SLIT2: variants seen among roughly 807,000 people sequenced by gnomAD.
SLIT2 encodes slit homolog 2 protein.
In SLIT2, 41 loss-of-function variants were observed where a neutral mutation model predicts 185.7. That is an observed-to-expected ratio of 0.22 (90% CI 0.17 to 0.29). SLIT2 has a LOEUF of 0.29. SLIT2 is among the 10% of genes least tolerant of loss of function. The pLI is 1.00. For synonymous variants in SLIT2, 693 were observed against 680.2 expected, an observed-to-expected ratio of 1.02 and a Z score of -0.29; for missense variants, 1,571 against 1,909.0, an observed-to-expected ratio of 0.82 and a Z score of 3.30.
At chr4:20,593,246 C>T (rs1021740372) in intron 30 of SLIT2, among the ~76,000 whole-genome samples, 9 of 151,972 alleles carry the variant, frequency 5.9e-5, no homozygotes, top group South Asian at 4.2e-4. Context: ...CAGATGGATG[C>T]GTTTAATCTT....
rs1378810372 is a variant in SLIT2, at chr4:20,510,536, C to G, written c.956C>G (p.Ala319Gly). 3.7e-6 allele frequency: 6 copies of G among 1,610,128 alleles called. No individual in the cohort carries two copies. Among genetic ancestry groups the G allele is most frequent in the Non-Finnish European group, 4.2e-6 (5 of 1,177,018 alleles). ...ACAATCAAAGTCATCCCTCCTGGAG[C>G]TTTCTCACCATATAAAAAGCTTAGA... Reference protein sequence around the residue: ...QNTIKVIPPGAFSPYKKLRRI... With the variant: ...QNTIKVIPPGGFSPYKKLRRI... Residue 319 changes from alanine (A) to glycine (G), a missense_variant, in exon 10 of 37, where the codon GCT becomes GGT. Ala to Gly is a moderately conservative substitution (Grantham distance 60). Around this residue, in one of 3 missense-constraint regions of SLIT2, gnomAD observed 1,202 missense variants for 1,416.4 expected, o/e 0.85. Coordinates refer to ENST00000504154, the MANE Select transcript of SLIT2 (RefSeq NM_004787.4).
chr4:20,291,488 ATATATTTTTTTTTTTTTTTTTTTTTTT>A (rs1715913282), intron 4 of SLIT2, among the ~76,000 whole-genome samples: 1 of 10,272 alleles, frequency 9.7e-5, no homozygotes, highest in Non-Finnish European at 1.6e-4. Context: ...ATATATATAT[ATATATTTTTTTTTTTTTTTTTTTTTTT>A]TTTTTTTTAC....
chr4:20,426,541 G>C (rs1167083755), intron 4 of SLIT2, among the ~76,000 whole-genome samples: 1 of 152,262 alleles, frequency 6.6e-6, no homozygotes, highest in African/African-American at 2.4e-5. Context: ...AGGATCTAGA[G>C]GTTGACAGGT....
chr4:20,406,071 A>T (rs1338307615), intron 4 of SLIT2, among the ~76,000 whole-genome samples: 1 of 143,272 alleles, frequency 7.0e-6, no homozygotes, highest in Non-Finnish European at 1.6e-5. Flanking sequence ...GGAAATTATT[A>T]TCTTCTCAAT....
chr4:20,305,853 A>G (rs1717489609), intron 4 of SLIT2, among the ~76,000 whole-genome samples: 1 of 148,436 alleles, frequency 6.7e-6, no homozygotes, highest in Admixed American at 6.8e-5. Flanking sequence ...GGCCTGGGTG[A>G]CAGAGTGAGA....
chr4:20,503,163 C>T (rs1355069210), intron 9 of SLIT2, among the ~76,000 whole-genome samples: 1 of 152,044 alleles, frequency 6.6e-6, no homozygotes, highest in Non-Finnish European at 1.5e-5. Flanking sequence ...GATTAATCAG[C>T]TAGAATGACA....
At chr4:20,615,377 C>G (rs1030985854) in intron 34 of SLIT2, 1 of 152,140 alleles carries the variant, frequency 6.6e-6, no homozygotes, top group Non-Finnish European at 1.5e-5. Flanking sequence ...ATGGACTACC[C>G]AAATCACCTG....
At chr4:20,457,427 A>G (rs1418314003) in intron 4 of SLIT2, among the ~76,000 whole-genome samples, 1 of 152,030 alleles carries the variant, frequency 6.6e-6, no homozygotes, top group African/African-American at 2.4e-5. Context: ...ATTAAAAGAC[A>G]TCATGTGAAT....
intron 30 of SLIT2, among the ~76,000 whole-genome samples, chr4:20,594,131 A>T (rs778704967): frequency 4.7e-5 from 7 of 149,448 alleles, no homozygotes; most frequent in Non-Finnish European, 8.9e-5. Flanking sequence ...ATGTGCATAT[A>T]TATACATATA....
intron 4 of SLIT2, among the ~76,000 whole-genome samples, chr4:20,279,971 A>G (rs1289824521): frequency 6.6e-6 from 1 of 152,156 alleles, no homozygotes; most frequent in Admixed American, 6.5e-5. Context: ...CCTGAGAAAG[A>G]CACTACCAAT....
chr4:20,465,078 CAATT>C (rs1357219200), intron 4 of SLIT2, among the ~76,000 whole-genome samples: 1 of 152,060 alleles, frequency 6.6e-6, no homozygotes, highest in Non-Finnish European at 1.5e-5. Flanking sequence ...TTGCAAATAA[CAATT>C]AAGTCGGAGG....
rs749468134 is a variant in SLIT2 at position 20,598,376 on chromosome 4, C to A, written c.3673C>A (p.Pro1225Thr). 4.3e-6 allele frequency: 7 copies of A among 1,614,066 alleles called. No homozygotes were observed. The highest frequency in any genetic ancestry group is 5.9e-6 in the Non-Finnish European group (7 of 1,179,958). ...TGCCAGCTATGACACCGGCTCTCAT[C>A]CAGCTTCTGCCATTTACAGGTGAAG... ...VRASYDTGSHPASAIYSVETI... is the reference protein window; with the variant it reads ...VRASYDTGSHTASAIYSVETI... The change falls in exon 33 of 37, where the codon CCA becomes ACA. Residue 1225 changes from proline (P) to threonine (T), a missense_variant. Pro to Thr is a conservative substitution (Grantham distance 38). This residue lies in a region of SLIT2 where 146 missense variants were observed against 247.4 expected (regional missense o/e 0.59). Transcript: ENST00000504154.
At chr4:20,554,894 C>T (rs139222558) in intron 26 of SLIT2, among the ~76,000 whole-genome samples, 8,116 of 152,084 alleles carry the variant, frequency 0.053, 759 homozygotes, top group African/African-American at 0.19. Context: ...CTCAGCCTCC[C>T]GAGTAGCTGG....
At chr4:20,517,222 TA>T (rs1414783920) in intron 11 of SLIT2, among the ~76,000 whole-genome samples, 1 of 152,228 alleles carries the variant, frequency 6.6e-6, no homozygotes, top group Non-Finnish European at 1.5e-5. Flanking sequence ...ATACCTTCTT[TA>T]TCTCAGTCAT....
chr4:20,450,231 A>G (rs1476901769), intron 4 of SLIT2, among the ~76,000 whole-genome samples: 1 of 152,222 alleles, frequency 6.6e-6, no homozygotes, highest in Non-Finnish European at 1.5e-5. Flanking sequence ...TAAAATGAGA[A>G]CAGTGTTGCA....
At chr4:20,267,457 G>T (rs1358851464) in intron 3 of SLIT2, among the ~76,000 whole-genome samples, 1 of 151,770 alleles carries the variant, frequency 6.6e-6, no homozygotes, top group Non-Finnish European at 1.5e-5. Flanking sequence ...AAGTTATGGT[G>T]CCATCATTGC....
intron 4 of SLIT2, among the ~76,000 whole-genome samples, chr4:20,341,420 T>C (rs1421743331): frequency 6.6e-6 from 1 of 152,226 alleles, no homozygotes; most frequent in African/African-American, 2.4e-5. Context: ...ACTGTAACTT[T>C]TAGTGTTCAC....
chr4:20,530,098 A>ATTTT (rs34101661), intron 16 of SLIT2, among the ~76,000 whole-genome samples: 2,889 of 147,992 alleles, frequency 0.02, 52 homozygotes, highest in Middle Eastern at 0.082. Flanking sequence ...AGTTATAGTG[A>ATTTT]TTTTTTTTTT....
intron 22 of SLIT2, among the ~76,000 whole-genome samples, chr4:20,548,127 A>G (rs543027546): frequency 6.6e-6 from 1 of 152,168 alleles, no homozygotes; most frequent in South Asian, 2.1e-4. Flanking sequence ...AGTCACCTCC[A>G]AGGAAGCTCC....
Sources: gnomAD v4.1 joint callset for allele counts (sites outside exome capture counted in the v4.1 genomes callset) on GRCh38, gnomAD v4.1.1 for gene constraint, gnomAD v4.1.1 regional missense constraint, MANE v1.5 for transcripts, NCBI Gene and HGNC (gene_info 2026-07-23, HGNC 2026-07-21) for gene names.